Variants in HLTF observed in about 807,000 individuals in gnomAD.
HLTF encodes helicase like transcription factor, also known as DNA-dependent ATPase/E3 ubiquitin-protein ligase HLTF.
A neutral mutation model predicts 129.4 loss-of-function variants in HLTF; 127 were observed. The observed-to-expected ratio is 0.98, with a 90% CI of 0.85 to 1.14. The LOEUF is 1.14. HLTF is among the 50% of genes most tolerant of loss of function. The probability of loss-of-function intolerance (pLI) is 0.00; values close to 1 mark genes in which losing one functional copy is unlikely to be tolerated. For missense variants in HLTF, 1,139 were observed against 1,187.1 expected (o/e 0.96, Z 0.60); for synonymous variants, 332 against 388.8 (o/e 0.85, Z 1.72).
chr3:149,068,351 A>C lies in HLTF; in HGVS notation c.895-16T>G, dbSNP rs1718578480. On this transcript the variant is annotated splice_polypyrimidine_tract_variant and intron_variant, in intron 7 of 24. Coordinates refer to ENST00000310053, the MANE Select transcript of HLTF (RefSeq NM_003071.4). Reference sequence around the variant, plus strand: ...GAGTTTTACCCTTAAAAATGTTTTAAAAAGATAAATGGTCAGATTGTGAAA... The same window carrying C: ...GAGTTTTACCCTTAAAAATGTTTTACAAAGATAAATGGTCAGATTGTGAAA... The C allele has an allele frequency of 3.2e-6, 4 of 1,256,292 alleles. No individual in the cohort carries two copies. The highest frequency in any genetic ancestry group is 4.5e-6 in the Non-Finnish European group (4 of 879,152). The allele number at this position is 1,256,292 out of a possible 1,614,324, so 77.8% of individuals were successfully genotyped here.
chr3:149,071,213 C>T, intron 7 of HLTF, 39 bp downstream of exon 7: 1 of 1,289,448 alleles, frequency 7.8e-7, no homozygotes, highest in Non-Finnish European at 1.1e-6. Flanking sequence ...ATCATAATCA[C>T]AAAATTAGAT....
At position 149,039,190 on chromosome 3, in the gene HLTF, C is replaced by G. The variant is rs748385990; in HGVS notation, c.2655G>C (p.Met885Ile). The change falls in exon 23 of 25, where the codon ATG becomes ATC. Residue 885 changes from methionine (M) to isoleucine (I), a missense_variant. Physicochemically the swap from Met to Ile is conservative, Grantham distance 10 (BLOSUM62 1). Coordinates refer to ENST00000310053, the MANE Select transcript of HLTF (RefSeq NM_003071.4). ...GFVFTRLDGS[M>I]AQKKRVESIQ... is the part of the protein sequence containing the mutation. Reference sequence around the variant, plus strand: ...TTGATTCAACTCTTTTCTTTTGGGCCATGGAACCATCCAAACGAGTAAACA... The same window carrying G: ...TTGATTCAACTCTTTTCTTTTGGGCGATGGAACCATCCAAACGAGTAAACA... 1 of 1,605,162 alleles carries G rather than the reference C, an allele frequency of 6.2e-7. No individual in the cohort carries two copies. Among genetic ancestry groups the G allele is most frequent in the South Asian group, 1.1e-5 (1 of 89,212 alleles).
intron 7 of HLTF, among the ~76,000 whole-genome samples, chr3:149,069,300 C>T (rs1326061330): frequency 2.0e-5 from 3 of 151,876 alleles, no homozygotes; most frequent in African/African-American, 4.8e-5. Flanking sequence ...GGTGAAACCC[C>T]GTCTCTACTA....
In HLTF at chr3:149,071,269, C is replaced by G; in HGVS notation, c.877G>C (p.Ala293Pro). ...RPENVHGGIL[A>P]DDMGLGKTLT... ...ATAATTACCAAACCCATATCATCAG[C>G]TAAAATTCCTCCATGGACATTTTCT... Residue 293 changes from alanine (A) to proline (P), a missense_variant, in exon 7 of 25, where the codon GCT becomes CCT. Ala to Pro is a conservative substitution (Grantham distance 27). Transcript: ENST00000310053. The G allele has an allele frequency of 1.9e-6, 3 of 1,582,730 alleles. No homozygotes were observed. Among genetic ancestry groups the G allele is most frequent in the Non-Finnish European group, 2.6e-6 (3 of 1,165,146 alleles).
chr3:149,086,327 T>C lies in HLTF; in HGVS notation c.10A>G (p.Met4Val). The C allele has an allele frequency of 6.2e-7, 1 of 1,600,908 alleles. No individual in the cohort carries two copies. The highest frequency in any genetic ancestry group is 2.3e-5 in the East Asian group (1 of 44,354). The change falls in exon 1 of 25, where the codon ATG becomes GTG. Residue 4 changes from methionine to valine, a missense_variant. Met to Val is a conservative substitution (Grantham distance 21). Transcript: ENST00000310053. MSW[M>V]FKRDPVWKYL... Reference sequence around the variant, plus strand: ...CTCCGCCCCCTTCACCTCTTGAACATCCAGGACATGGCGCTGAGTGGGATG... The same window carrying C: ...CTCCGCCCCCTTCACCTCTTGAACACCCAGGACATGGCGCTGAGTGGGATG...
chr3:149,085,925 T>C (rs1720344232), intron 1 of HLTF, among the ~76,000 whole-genome samples: 1 of 152,200 alleles, frequency 6.6e-6, no homozygotes, highest in African/African-American at 2.4e-5. Context: ...AATACTTATC[T>C]GCACGTCTGT....
At chr3:149,065,820 T>A (rs996409839) in intron 8 of HLTF, among the ~76,000 whole-genome samples, 1 of 152,022 alleles carries the variant, frequency 6.6e-6, no homozygotes, top group Non-Finnish European at 1.5e-5. Context: ...AAAAATAAAA[T>A]TAAATTAATT....
chr3:149,048,754 T>C lies in HLTF; in HGVS notation c.1756+109A>G, dbSNP rs373474753. On this transcript the variant is annotated intron_variant, in intron 16 of 24. Transcript: ENST00000310053. Reference sequence around the variant, plus strand: ...TGATTAAATTATTTATATGATTAATTTTGGGGCAGAATTTACACCCACTTT... The same window carrying C: ...TGATTAAATTATTTATATGATTAATCTTGGGGCAGAATTTACACCCACTTT... 1.9e-5 allele frequency: 14 copies of C among 744,480 alleles called. No homozygotes were observed. The African/African-American group carries it at 2.3e-4, about 12-fold the overall frequency. The allele number at this position is 744,480 out of a possible 1,614,324, so 46.1% of individuals were successfully genotyped here.
At position 149,071,255 on chromosome 3, in the gene HLTF, A is replaced by C; in HGVS notation, c.891T>G (p.Gly297=). The C allele has an allele frequency of 6.5e-7, 1 of 1,543,864 alleles. No homozygotes were observed. The highest frequency in any genetic ancestry group is 1.2e-5 in the South Asian group (1 of 80,998). Residue 297 remains glycine (G), a synonymous_variant, in exon 7 of 25, where the codon GGT becomes GGG. Transcript: ENST00000310053. ...AACTAAAGAAAAAAATAATTACCAA[A>C]CCCATATCATCAGCTAAAATTCCTC... is the stretch of plus-strand genomic sequence containing the variant. The part of the protein sequence containing the change: ...VHGGILADDM[G]LGKTLTAIAV...
chr3:149,076,988 C>A (rs1397899366), intron 2 of HLTF, among the ~76,000 whole-genome samples: 1 of 152,112 alleles, frequency 6.6e-6, no homozygotes, highest in African/African-American at 2.4e-5. Context: ...GGCACAGTAG[C>A]TCACGCCCCC....
rs1714923777 is a variant in HLTF, at chr3:149,030,540, GTGT to G, written c.*1677_*1679del. On this transcript the variant is annotated 3_prime_UTR_variant, in exon 25 of 25. Coordinates refer to ENST00000310053, the MANE Select transcript of HLTF (RefSeq NM_003071.4). ...TCTTTGTAAGCAGAAAGAGTAGACTGTGTTGTTTTTTGCCAAAAACTGTTTATA... is the reference window on the plus strand; with the variant it reads ...TCTTTGTAAGCAGAAAGAGTAGACTGTGTTTTTTGCCAAAAACTGTTTATA... 1 of 152,194 alleles carries G rather than the reference GTGT, an allele frequency of 6.6e-6. No individual in the cohort carries two copies. Among genetic ancestry groups the G allele is most frequent in the African/African-American group, 2.4e-5 (1 of 41,460 alleles). 9.4% of individuals were successfully genotyped at this position (152,194 alleles called of 1,614,324 possible). A position where few individuals can be genotyped will look rare whatever the true frequency, so the allele number is the denominator to read the frequency against.
chr3:149,070,019 C>A (rs188150029), intron 7 of HLTF, among the ~76,000 whole-genome samples: 1 of 152,236 alleles, frequency 6.6e-6, no homozygotes, highest in Admixed American at 6.5e-5. Context: ...TGAGCAATGC[C>A]TGGTGTTATA....
At position 149,039,234 on chromosome 3, in the gene HLTF, AG is replaced by A. The variant is rs1212792829; in HGVS notation, c.2616-6del. ...GTAAACACAAATCCAGAGGCTCTAA[AG>A]GGGGGAAGAAAAGAGACAAGTAACA... On this transcript the variant is annotated splice_region_variant and splice_polypyrimidine_tract_variant and intron_variant, in intron 22 of 24. Coordinates refer to ENST00000310053, the MANE Select transcript of HLTF (RefSeq NM_003071.4). 7.2e-6 allele frequency: 11 copies of A among 1,521,982 alleles called. No individual in the cohort carries two copies. The highest frequency in any genetic ancestry group is 1.4e-5 in the African/African-American group (1 of 70,976). The allele number at this position is 1,521,982 out of a possible 1,614,324, so 94.3% of individuals were successfully genotyped here.
At chr3:149,036,853 A>C (rs1443320987) in intron 23 of HLTF, among the ~76,000 whole-genome samples, 1 of 152,206 alleles carries the variant, frequency 6.6e-6, no homozygotes, top group African/African-American at 2.4e-5. Flanking sequence ...AGTTAGAAAC[A>C]ACATTGGAAA....
intron 2 of HLTF, among the ~76,000 whole-genome samples, chr3:149,078,849 T>C (rs1238251399): frequency 3.0e-5 from 4 of 135,590 alleles, no homozygotes; most frequent in African/African-American, 8.7e-5. Context: ...AAAGCAAGAC[T>C]CCGTCTCAAA....
At position 149,055,402 on chromosome 3, in the gene HLTF, T is replaced by TA; in HGVS notation, c.1376-3dup. On this transcript the variant is annotated splice_polypyrimidine_tract_variant and splice_region_variant and intron_variant, in intron 13 of 24. Coordinates refer to ENST00000310053, the MANE Select transcript of HLTF (RefSeq NM_003071.4). ...TTGACCCCTCCACTGCACAAGCTCC[T>TA]AAAAAAATGAACCACTGATAGAACC... 2 of 1,605,996 alleles carry TA rather than the reference T, an allele frequency of 1.2e-6. No homozygotes were observed. Among genetic ancestry groups the TA allele is most frequent in the Non-Finnish European group, 1.7e-6 (2 of 1,173,036 alleles).
At chr3:149,086,291 C>A (rs186839426) in intron 1 of HLTF, 26 bp downstream of exon 1, 6 of 1,599,850 alleles carry the variant, frequency 3.8e-6, no homozygotes, top group South Asian at 1.1e-5. Flanking sequence ...TTAGACCGAG[C>A]GCCCCACCCC....
chr3:149,034,747 A>C (rs1431472844), intron 24 of HLTF, among the ~76,000 whole-genome samples, 171 bp downstream of exon 24: 1 of 152,206 alleles, frequency 6.6e-6, no homozygotes, highest in Non-Finnish European at 1.5e-5. Context: ...GTAGGTGCAG[A>C]GAAAGGCCCC....
At position 149,039,685 on chromosome 3, in the gene HLTF, C is replaced by T. The variant is rs770846399; in HGVS notation, c.2511G>A (p.Ala837=). The change falls in exon 22 of 25, where the codon GCG becomes GCA. Residue 837 remains alanine, a synonymous_variant. Transcript: ENST00000310053. ...TTAAGTCAGTCAATGCGTGCATTAG[C>T]GCATTAATCTGCAAAAAATATTAAG... is the stretch of plus-strand genomic sequence containing the variant. The part of the protein sequence containing the change: ...MEWTSSSKIN[A]LMHALTDLRK... 135 of 1,557,746 alleles carry T rather than the reference C, an allele frequency of 8.7e-5. 1 individual carries two copies. The South Asian group carries it at 1.6e-3, about 18-fold the overall frequency.
Sources: gnomAD v4.1 joint callset for allele counts (sites outside exome capture counted in the v4.1 genomes callset) on GRCh38, gnomAD v4.1.1 for gene constraint, MANE v1.5 for transcripts, NCBI Gene and HGNC (gene_info 2026-07-23, HGNC 2026-07-21) for gene names.